The following GGA2 variants were observed in gnomAD, a reference collection of about 807,000 sequenced individuals.
GGA2 encodes ADP-ribosylation factor-binding protein GGA2.
A neutral mutation model predicts 79.5 loss-of-function variants in GGA2; 48 were observed. The observed-to-expected ratio is 0.60, with a 90% CI of 0.48 to 0.77. The LOEUF (loss-of-function observed/expected upper bound fraction) is 0.77. Among genes scored for constraint, GGA2 ranks in the 30% least tolerant of loss-of-function variants. GGA2 has a pLI of 0.00. For missense variants in GGA2, 770 were observed against 774.0 expected, an observed-to-expected ratio of 0.99 and a Z score of 0.06; for synonymous variants, 317 against 302.0, an observed-to-expected ratio of 1.05 and a Z score of -0.51.
intron 1 of GGA2, among the ~76,000 whole-genome samples, chr16:23,508,217 C>G (rs1258007589): frequency 1.3e-5 from 2 of 152,058 alleles, no homozygotes; most frequent in African/African-American, 4.8e-5. Context: ...CAGGTGTGCG[C>G]CACCACACAT....
rs1390094199 is a variant in GGA2 at position 23,466,109 on chromosome 16, C to T, written c.*1481G>A. The T allele has an allele frequency of 6.6e-6, 1 of 152,174 alleles. No homozygotes were observed. 9.4% of individuals were successfully genotyped at this position (152,174 alleles called of 1,614,324 possible). On this transcript the variant is annotated 3_prime_UTR_variant, in exon 17 of 17. Transcript: ENST00000309859. ...TGATCTTTTACAGTTCCCATCTCCA[C>T]CAATTAGTATTGGCAGATTTCCACT...
intron 4 of GGA2, 127 bp from the exon 5 acceptor site, chr16:23,491,927 G>A: frequency 5.0e-6 from 3 of 597,168 alleles, no homozygotes; most frequent in Non-Finnish European, 8.8e-6. Context: ...TGTGAGGAGA[G>A]ACTAGAGGCC....
chr16:23,519,528 G>A, intron 2 of GGA2: 1 of 348,276 alleles, frequency 2.9e-6, no homozygotes, highest in South Asian at 2.0e-5. Context: ...TCCCCTGCGA[G>A]TTTGTATGTG....
intron 3 of GGA2, 91 bp downstream of exon 3, chr16:23,494,212 G>C (rs926928394): frequency 2.3e-6 from 2 of 863,480 alleles, no homozygotes; most frequent in Admixed American, 1.8e-5. Flanking sequence ...CCCTTCTCCA[G>C]TGAAAAGGAT....
intron 1 of GGA2, among the ~76,000 whole-genome samples, chr16:23,509,962 C>G (rs1376128890): frequency 6.6e-6 from 1 of 151,626 alleles, no homozygotes; most frequent in African/African-American, 2.4e-5. Context: ...GAAGCCAGCT[C>G]GGGGTGGGAA....
Position 23,480,752 on chromosome 16 carries a change from T to C in GGA2, c.899A>G (p.Asn300Ser). The C allele has an allele frequency of 6.2e-7, 1 of 1,610,446 alleles. No individual in the cohort carries two copies. The highest frequency in any genetic ancestry group is 8.5e-7 in the Non-Finnish European group (1 of 1,176,938). The change falls in exon 10 of 17, where the codon AAT (asparagine) becomes AGT (serine). Residue 300 changes from asparagine (N) to serine (S), a missense_variant. Physicochemically the swap from Asn to Ser is conservative, Grantham distance 46. Transcript: ENST00000309859. Reference sequence around the variant, plus strand: ...CAGAACTCCTTGGGTGAGGAGGTCATTTGCCTGGAGAATTTCCGCTGAAGA... The same window carrying C: ...CAGAACTCCTTGGGTGAGGAGGTCACTTGCCTGGAGAATTTCCGCTGAAGA... ...DDALAEILQANDLLTQGVLLY... is the reference protein window; with the variant it reads ...DDALAEILQASDLLTQGVLLY...
Position 23,510,442 on chromosome 16 carries a change from G to T in GGA2, c.-31C>A. On this transcript the variant is annotated 5_prime_UTR_variant, in exon 1 of 17. Transcript: ENST00000309859. ...CAGCCCCGACGCTGCGGCCGCGGGC[G>T]CCACTGCCTCTTCAGCCGCTGTAGC... The T allele has an allele frequency of 2.2e-6, 2 of 892,402 alleles. No individual in the cohort carries two copies. The highest frequency in any genetic ancestry group is 1.7e-5 in the African/African-American group (1 of 57,282). 55.3% of individuals were successfully genotyped at this position (892,402 alleles called of 1,614,324 possible).
intron 1 of GGA2, among the ~76,000 whole-genome samples, chr16:23,507,729 G>C (rs1018718624): frequency 2.6e-5 from 4 of 152,184 alleles, no homozygotes; most frequent in African/African-American, 9.7e-5. Context: ...GAACCAAGGA[G>C]GCAGAGGTTG....
intron 12 of GGA2, 130 bp from the exon 13 acceptor site, chr16:23,478,631 AG>A (rs1199207037): frequency 1.1e-6 from 1 of 913,778 alleles, no homozygotes; most frequent in African/African-American, 1.6e-5. Flanking sequence ...TCTTGGGGCA[AG>A]AGGGGAAAGA....
chr16:23,490,376 T>C (rs1227670299), intron 5 of GGA2, among the ~76,000 whole-genome samples: 3 of 152,212 alleles, frequency 2.0e-5, no homozygotes, highest in Non-Finnish European at 4.4e-5. Context: ...TCACTACACA[T>C]TGTATGCATG....
Position 23,463,718 on chromosome 16 carries a change from T to C in GGA2, c.*3872A>G, listed in dbSNP as rs1964401317. ...GTCAGGACATGGTGGCTCATGCCTG[T>C]AATCCCAGCACTTTGGGAGGTCAAG... On this transcript the variant is annotated 3_prime_UTR_variant, in exon 17 of 17. Transcript: ENST00000309859. The C allele has an allele frequency of 6.6e-6, 1 of 152,270 alleles. No homozygotes were observed. The highest frequency in any genetic ancestry group is 2.1e-4 in the South Asian group (1 of 4,838). 9.4% of individuals were successfully genotyped at this position (152,270 alleles called of 1,614,324 possible). A position where few individuals can be genotyped will look rare whatever the true frequency, so the allele number is the denominator to read the frequency against.
chr16:23,516,613 G>A (rs1396957978), intron 2 of GGA2, among the ~76,000 whole-genome samples: 2 of 151,866 alleles, frequency 1.3e-5, no homozygotes, highest in Non-Finnish European at 2.9e-5. Flanking sequence ...CATTTCACTG[G>A]CTCTGCACCT....
At chr16:23,491,329 A>C (rs919010054) in intron 5 of GGA2, among the ~76,000 whole-genome samples, 4 of 149,536 alleles carry the variant, frequency 2.7e-5, no homozygotes, top group Non-Finnish European at 4.4e-5. Context: ...AAAAAAAAAA[A>C]CCAAAAGGTT....
intron 1 of GGA2, among the ~76,000 whole-genome samples, chr16:23,500,003 G>T (rs1964903061): frequency 6.6e-6 from 1 of 152,230 alleles, no homozygotes; most frequent in South Asian, 2.1e-4. Context: ...GTGGTTGGCA[G>T]GGCAACCTCC....
chr16:23,477,950 T>A (rs1964595513), intron 13 of GGA2, among the ~76,000 whole-genome samples: 1 of 152,028 alleles, frequency 6.6e-6, no homozygotes, highest in Non-Finnish European at 1.5e-5. Flanking sequence ...TAGAAAGATG[T>A]TTCTTGGCCA....
intron 1 of GGA2, chr16:23,500,961 T>C (rs1964915043): frequency 6.7e-6 from 2 of 299,348 alleles, no homozygotes; most frequent in Admixed American, 4.5e-5. Flanking sequence ...CACCTCGTGT[T>C]ACACCATATT....
At chr16:23,471,136 C>A (rs1264288976) in intron 14 of GGA2, among the ~76,000 whole-genome samples, 2 of 152,032 alleles carry the variant, frequency 1.3e-5, no homozygotes, top group African/African-American at 4.8e-5. Context: ...CCACTGCACC[C>A]GGCCAATGCA....
At chr16:23,510,675 T>C (rs916898524), upstream of GGA2, among the ~76,000 whole-genome samples, 1 of 152,246 alleles carries the variant, frequency 6.6e-6, no homozygotes, top group Admixed American at 6.5e-5. Flanking sequence ...CCAGTTAAAT[T>C]TGATTTTCAG....
At chr16:23,506,455 A>G (rs1427073421) in intron 1 of GGA2, among the ~76,000 whole-genome samples, 1 of 152,192 alleles carries the variant, frequency 6.6e-6, no homozygotes, top group African/African-American at 2.4e-5. Context: ...TCAGGAACTC[A>G]GCGGGGAGAT....
Sources: gnomAD v4.1 joint callset for allele counts (sites outside exome capture counted in the v4.1 genomes callset) on GRCh38, gnomAD v4.1.1 for gene constraint, MANE v1.5 for transcripts, NCBI Gene and HGNC (gene_info 2026-07-23, HGNC 2026-07-21) for gene names.